Variants in TNKS observed in about 807,000 individuals in gnomAD.
TNKS encodes the protein tankyrase.
Under a neutral mutation model 135.8 loss-of-function variants are expected in TNKS, and 72 were observed. The observed-to-expected ratio is 0.53, with a 90% CI of 0.44 to 0.64. TNKS has a LOEUF of 0.64. Ranked by LOEUF, TNKS falls within the 30% of genes least tolerant of loss-of-function variation. The pLI is 0.00. For missense variants in TNKS, 1,769 were observed against 1,674.0 expected (o/e 1.06, Z -0.99); for synonymous variants, 849 against 649.3 (o/e 1.31, Z -4.68).
At chr8:9,698,692 C>G (rs1803647056) in intron 5 of TNKS, among the ~76,000 whole-genome samples, 1 of 152,212 alleles carries the variant, frequency 6.6e-6, no homozygotes, top group African/African-American at 2.4e-5. Flanking sequence ...GTTGAAGCCA[C>G]AGCTTTGCAA....
chr8:9,711,991 C>T (rs902102297), intron 11 of TNKS, among the ~76,000 whole-genome samples: 3 of 152,032 alleles, frequency 2.0e-5, no homozygotes, highest in Admixed American at 1.3e-4. Flanking sequence ...CTAATAACTT[C>T]GCAAGAACAT....
At chr8:9,693,174 A>G (rs1803357678) in intron 5 of TNKS, among the ~76,000 whole-genome samples, 3 of 152,244 alleles carry the variant, frequency 2.0e-5, no homozygotes, top group Admixed American at 2.0e-4. Context: ...TTGATAAGAC[A>G]GAGCAAAAGT....
rs1563158502 is a variant in TNKS, at chr8:9,672,713, A to AC, written c.995-7238_995-7237insC. 5.3e-3 allele frequency among the ~76,000 whole-genome samples: 518 copies of AC among 98,050 alleles called. 2 individuals are homozygous for AC. The highest frequency in any genetic ancestry group is 0.033 in the East Asian group (72 of 2,210). The allele number at this position is 98,050 out of a possible 152,430, so 64.3% of individuals were successfully genotyped here. A position where few individuals can be genotyped will look rare whatever the true frequency, so the allele number is the denominator to read the frequency against. On this transcript the variant is annotated intron_variant, in intron 3 of 26. Coordinates refer to ENST00000310430, the MANE Select transcript of TNKS (RefSeq NM_003747.3). ...ACACACACACACACACACACACACA[A>AC]AAAAAAAAAAACAAACTAATATCCC... is the stretch of plus-strand genomic sequence containing the variant.
intron 13 of TNKS, among the ~76,000 whole-genome samples, chr8:9,727,300 A>AT (rs1029156728): frequency 3.3e-5 from 5 of 151,860 alleles, no homozygotes; most frequent in East Asian, 1.9e-4. Context: ...TTGTAGTTTT[A>AT]TTTTTTTTCA....
chr8:9,662,454 A>C (rs977674935), intron 3 of TNKS, among the ~76,000 whole-genome samples: 1 of 152,206 alleles, frequency 6.6e-6, no homozygotes, highest in African/African-American at 2.4e-5. Context: ...AGGGACATGG[A>C]TGAAGCTGGA....
chr8:9,673,569 G>A (rs1040557294), intron 3 of TNKS, among the ~76,000 whole-genome samples: 14 of 149,664 alleles, frequency 9.4e-5, no homozygotes, highest in African/African-American at 3.2e-4. Flanking sequence ...TCAGCCTCCC[G>A]AATAGATGGG....
At chr8:9,636,071 A>T (rs188589569) in intron 3 of TNKS, among the ~76,000 whole-genome samples, 5 of 152,352 alleles carry the variant, frequency 3.3e-5, no homozygotes, top group African/African-American at 1.2e-4. Flanking sequence ...CTGAAGTACT[A>T]AACGCAAGGA....
chr8:9,763,357 G>C, intron 22 of TNKS, 113 bp downstream of exon 22: 1 of 604,926 alleles, frequency 1.7e-6, no homozygotes, highest in Non-Finnish European at 2.7e-6. Context: ...CTATTAATCA[G>C]TCTGTCTTAG....
At chr8:9,771,432 G>A (rs1807853731) in intron 26 of TNKS, among the ~76,000 whole-genome samples, 1 of 95,666 alleles carries the variant, frequency 1.0e-5, no homozygotes, top group African/African-American at 3.4e-5. Flanking sequence ...GGAAGGGAGG[G>A]ACAGAGGAAA....
intron 1 of TNKS, among the ~76,000 whole-genome samples, chr8:9,564,357 T>G (rs1169461021): frequency 1.3e-5 from 2 of 151,910 alleles, no homozygotes; most frequent in African/African-American, 4.8e-5. Context: ...AAGGTCGAGT[T>G]GTGAGCATAA....
In TNKS at chr8:9,734,960, G is replaced by C. The variant is rs755254124; in HGVS notation, c.2409G>C (p.Gly803=). The C allele has an allele frequency of 6.2e-7, 1 of 1,614,168 alleles. No individual in the cohort carries two copies. ...CAGATATTCAGGACTTACTGAGAGGGGATGCTGCTTTGTTGGATGCTGCCA... is the reference window on the plus strand; with the variant it reads ...CAGATATTCAGGACTTACTGAGAGGCGATGCTGCTTTGTTGGATGCTGCCA... ...GDTDIQDLLR[G]DAALLDAAKK... The change falls in exon 16 of 27, where the codon GGG becomes GGC. Residue 803 remains glycine (G), a synonymous_variant. Coordinates refer to ENST00000310430, the MANE Select transcript of TNKS (RefSeq NM_003747.3).
At chr8:9,722,625 A>C (rs933346312) in intron 12 of TNKS, 5 of 151,906 alleles carry the variant, frequency 3.3e-5, no homozygotes, top group African/African-American at 1.2e-4. Flanking sequence ...CTTAAAGGAG[A>C]TATTACTCCT....
intron 16 of TNKS, 69 bp downstream of exon 16, chr8:9,735,153 C>T (rs908479253): frequency 7.3e-5 from 108 of 1,469,802 alleles, no homozygotes; most frequent in African/African-American, 3.6e-4. Context: ...TACTAAAAGA[C>T]GAAAGCCATG....
chr8:9,711,758 A>G (rs1273000804), intron 11 of TNKS, among the ~76,000 whole-genome samples: 1 of 152,210 alleles, frequency 6.6e-6, no homozygotes, highest in East Asian at 1.9e-4. Flanking sequence ...CTTTTTTAAA[A>G]GAAACTTTAA....
chr8:9,707,274 C>G (rs1323408043), intron 8 of TNKS, among the ~76,000 whole-genome samples: 1 of 152,146 alleles, frequency 6.6e-6, no homozygotes, highest in African/African-American at 2.4e-5. Flanking sequence ...AATCAGCATC[C>G]ATTTCTTGGA....
chr8:9,736,473 G>T (rs1352561238), intron 17 of TNKS, among the ~76,000 whole-genome samples: 3 of 151,920 alleles, frequency 2.0e-5, no homozygotes, highest in Non-Finnish European at 4.4e-5. Flanking sequence ...TGAAGTCCTT[G>T]CCCACGCCTA....
intron 5 of TNKS, among the ~76,000 whole-genome samples, chr8:9,696,550 C>T (rs552684492): frequency 1.1e-4 from 16 of 152,120 alleles, no homozygotes; most frequent in African/African-American, 2.9e-4. Flanking sequence ...TATAAAAAAC[C>T]GTAAAGACAC....
chr8:9,673,613 T>C (rs1267744077), intron 3 of TNKS, among the ~76,000 whole-genome samples: 1 of 151,828 alleles, frequency 6.6e-6, no homozygotes, highest in Non-Finnish European at 1.5e-5. Flanking sequence ...CCAGCTAATT[T>C]TTTTGTGTTT....
At chr8:9,636,777 G>A (rs1389483572) in intron 3 of TNKS, among the ~76,000 whole-genome samples, 1 of 152,104 alleles carries the variant, frequency 6.6e-6, no homozygotes, top group Non-Finnish European at 1.5e-5. Flanking sequence ...AATACGTTAC[G>A]TTAGATGGAC....
Sources: allele counts gnomAD v4.1 joint callset (sites outside exome capture counted in the v4.1 genomes callset), GRCh38; gene constraint gnomAD v4.1.1; transcripts MANE v1.5; gene names NCBI Gene and HGNC (gene_info 2026-07-23, HGNC 2026-07-21).